Variants in DRC5 observed in about 807,000 individuals in gnomAD.
The protein encoded by DRC5 is T-complex-associated testis-expressed protein 1.
chr6:44,295,133 TG>T, the DRC5 span, among the ~76,000 whole-genome samples: 2 of 152,226 alleles, frequency 1.3e-5, no homozygotes, highest in Non-Finnish European at 2.9e-5. Context: ...AGTCAGAGAA[TG>T]CCAGAGTTTG....
chr6:44,280,009 GC>G, the DRC5 span: 15 of 611,594 alleles, frequency 2.5e-5, no homozygotes, highest in Non-Finnish European at 4.2e-5. Context: ...CTTCCCCCAT[GC>G]CAGGCTCCCT....
chr6:44,287,381 T>G, the DRC5 span: 2 of 558,694 alleles, frequency 3.6e-6, no homozygotes, highest in Non-Finnish European at 4.5e-6. Context: ...GGAGAAACTG[T>G]CTTGGCCCTG....
chr6:44,280,817 C>T, the DRC5 span, among the ~76,000 whole-genome samples: 2 of 152,198 alleles, frequency 1.3e-5, no homozygotes, highest in Non-Finnish European at 2.9e-5. Context: ...ACTGTGGCAG[C>T]CATCTTGGGA....
the DRC5 span, among the ~76,000 whole-genome samples, chr6:44,289,162 CGATTACAGG>C: frequency 6.7e-6 from 1 of 150,116 alleles, no homozygotes; most frequent in Admixed American, 6.7e-5. Context: ...CTCAGCCTCC[CGATTACAGG>C]GATTACAGGC....
chr6:44,280,362 A>G, the DRC5 span: 3 of 1,613,924 alleles, frequency 1.9e-6, no homozygotes, highest in Non-Finnish European at 1.7e-6. Context: ...GTTGTCTGAC[A>G]TGCCTTCCAG....
At chr6:44,287,835 T>C in the DRC5 span, 2 of 1,611,142 alleles carry the variant, frequency 1.2e-6, no homozygotes, top group Non-Finnish European at 1.7e-6. Context: ...TGCTGGAGGC[T>C]GGCAAGGTAG....
chr6:44,289,915 C>T, the DRC5 span, among the ~76,000 whole-genome samples: 7 of 152,106 alleles, frequency 4.6e-5, no homozygotes, highest in South Asian at 2.1e-4. Flanking sequence ...GGGTAGTGGC[C>T]GGTGGGAGGG....
At chr6:44,285,833 C>T in the DRC5 span, 1 of 831,646 alleles carries the variant, frequency 1.2e-6, no homozygotes, top group South Asian at 1.7e-5. Context: ...GTGCAGGGTG[C>T]ATTAAAAAAC....
chr6:44,287,022 A>C, the DRC5 span, among the ~76,000 whole-genome samples: 3 of 152,216 alleles, frequency 2.0e-5, no homozygotes, highest in Non-Finnish European at 4.4e-5. Flanking sequence ...GGGGAGGCTG[A>C]CAATAAACAA....
At chr6:44,286,802 T>C in the DRC5 span, among the ~76,000 whole-genome samples, 1 of 152,222 alleles carries the variant, frequency 6.6e-6, no homozygotes, top group African/African-American at 2.4e-5. Flanking sequence ...CAACTCTCAA[T>C]TATCACCTGG....
chr6:44,297,273 A>T, the DRC5 span, among the ~76,000 whole-genome samples: 1 of 152,180 alleles, frequency 6.6e-6, no homozygotes, highest in African/African-American at 2.4e-5. Flanking sequence ...GGTGATGGGA[A>T]CGGACGGCCT....
chr6:44,280,981 G>C, the DRC5 span, among the ~76,000 whole-genome samples: 1 of 152,200 alleles, frequency 6.6e-6, no homozygotes, highest in African/African-American at 2.4e-5. Context: ...TTCTGATTAA[G>C]CTTTTTATTA....
At chr6:44,285,536 C>A in the DRC5 span, among the ~76,000 whole-genome samples, 8 of 152,156 alleles carry the variant, frequency 5.3e-5, no homozygotes, top group African/African-American at 1.9e-4. Flanking sequence ...AGACTACAAG[C>A]GTGCCTGGAC....
the DRC5 span, among the ~76,000 whole-genome samples, chr6:44,291,822 G>T: frequency 3.9e-5 from 6 of 152,266 alleles, no homozygotes; most frequent in East Asian, 1.2e-3. Context: ...CAAGTCCACT[G>T]GGATGCTGCC....
the DRC5 span, chr6:44,287,774 C>T: frequency 6.2e-7 from 1 of 1,614,142 alleles, no homozygotes; most frequent in Non-Finnish European, 8.5e-7. Context: ...TGGGTGGAGA[C>T]TGAGGAGTGG....
chr6:44,297,587 C>G, the DRC5 span: 1 of 152,230 alleles, frequency 6.6e-6, no homozygotes, highest in African/African-American at 2.4e-5. Flanking sequence ...GGCTCCCGGG[C>G]CCAGCCGGCC....
the DRC5 span, among the ~76,000 whole-genome samples, chr6:44,297,165 C>T: frequency 6.6e-6 from 1 of 152,162 alleles, no homozygotes; most frequent in African/African-American, 2.4e-5. Flanking sequence ...GGTGTAGAGG[C>T]GCTGGCTTCT....
At chr6:44,288,773 C>T in the DRC5 span, among the ~76,000 whole-genome samples, 2 of 151,936 alleles carry the variant, frequency 1.3e-5, no homozygotes, top group African/African-American at 4.8e-5. Context: ...GTGGGTGGGT[C>T]CCTTGAGGTC....
At chr6:44,279,805 C>A in the DRC5 span, 2 of 175,386 alleles carry the variant, frequency 1.1e-5, no homozygotes, top group Non-Finnish European at 2.3e-5. Flanking sequence ...GTTTGAAGAT[C>A]AAGGATCTGT....
Sources: allele counts gnomAD v4.1 joint callset (sites outside exome capture counted in the v4.1 genomes callset), GRCh38; gene constraint gnomAD v4.1.1; transcripts MANE v1.5; gene names NCBI Gene and HGNC (gene_info 2026-07-23, HGNC 2026-07-21).